TM6SF2: variants seen among roughly 807,000 people sequenced by gnomAD.
TM6SF2 encodes the protein transmembrane 6 superfamily member 2.
Under a neutral mutation model 41.0 loss-of-function variants are expected in TM6SF2, and 29 were observed. The observed-to-expected ratio is 0.71, with a 90% CI of 0.53 to 0.96. The LOEUF (loss-of-function observed/expected upper bound fraction) is 0.96. Ranked by LOEUF, TM6SF2 falls within the 50% of genes least tolerant of loss-of-function variation. The pLI is 0.00. For missense variants in TM6SF2, 475 were observed against 499.0 expected, an observed-to-expected ratio of 0.95 and a Z score of 0.46; for synonymous variants, 200 against 209.1, an observed-to-expected ratio of 0.96 and a Z score of 0.37.
In TM6SF2 at chr19:19,264,696, C is replaced by T. The variant is rs775760280; in HGVS notation, c.1102G>A (p.Asp368Asn). The T allele has an allele frequency of 1.1e-5, 17 of 1,573,416 alleles. No individual in the cohort carries two copies. The highest frequency in any genetic ancestry group is 7.1e-5 in the Admixed American group (4 of 56,242). The change falls in exon 10 of 10, where the codon GAC (aspartate) becomes AAC (asparagine). Residue 368 changes from aspartate (D) to asparagine (N), a missense_variant. Coordinates refer to ENST00000389363, the MANE Select transcript of TM6SF2 (RefSeq NM_001001524.3). Reference protein sequence around the residue: ...PAFFHQPPPSDPLALHKKQH With the variant: ...PAFFHQPPPSNPLALHKKQH ...TGCTTCTTGTGGAGGGCTAGGGGGTCGGAGGGTGGTGGCTGGTGGAAGAAT... is the reference window on the plus strand; with the variant it reads ...TGCTTCTTGTGGAGGGCTAGGGGGTTGGAGGGTGGTGGCTGGTGGAAGAAT...
At chr19:19,273,061 T>TGCGC in intron 1 of TM6SF2, 60 bp downstream of exon 1, 1 of 305,470 alleles carries the variant, frequency 3.3e-6, no homozygotes, top group Non-Finnish European at 6.1e-6. Flanking sequence ...CCTCCAGTCC[T>TGCGC]CCCCGCCCCC....
In TM6SF2 at chr19:19,271,236, A is replaced by G. The variant is rs2061023145; in HGVS notation, c.96-111T>C. ...CCTGGAAGCCCCAGGGGAAGAGACTAAAGTGTCTGTTCATCCATCAATGCT... is the reference window on the plus strand; with the variant it reads ...CCTGGAAGCCCCAGGGGAAGAGACTGAAGTGTCTGTTCATCCATCAATGCT... On this transcript the variant is annotated intron_variant, in intron 1 of 9. Coordinates refer to ENST00000389363, the MANE Select transcript of TM6SF2 (RefSeq NM_001001524.3). The G allele has an allele frequency of 7.3e-6, 6 of 823,656 alleles. No individual in the cohort carries two copies. The South Asian group carries it at 8.3e-5, about 11-fold the overall frequency. The allele number at this position is 823,656 out of a possible 1,614,324, so 51.0% of individuals were successfully genotyped here.
Position 19,265,110 on chromosome 19 carries a change from C to A in TM6SF2, c.925-237G>T, listed in dbSNP as rs568888515. On this transcript the variant is annotated intron_variant, in intron 9 of 9. Coordinates refer to ENST00000389363, the MANE Select transcript of TM6SF2 (RefSeq NM_001001524.3). ...ATGCTGGAGTGCAGTGGTGCAATCT[C>A]GGTTCACTGCAACCTCCGCTGCCTC... Among the ~76,000 whole-genome samples the A allele has an allele frequency of 2.3e-4, 33 of 146,138 alleles. No individual in the cohort carries two copies. In the East Asian group the frequency reaches 5.8e-3, roughly 26 times the overall value.
chr19:19,270,223 G>A lies in TM6SF2; in HGVS notation c.351C>T (p.Gly117=), dbSNP rs1297111026. Residue 117 remains glycine, a synonymous_variant, in exon 4 of 10, where the codon GGC becomes GGT. Transcript: ENST00000389363. ...CCAGGTAGAGGAGGTAGTGAACAGT[G>A]CCATCCCAGTAGCAGATGAAGACTC... ...AHGVFICYWD[G]TVHYLLYLAM... 6.2e-7 allele frequency: 1 copy of A among 1,614,056 alleles called. No homozygotes were observed. The highest frequency in any genetic ancestry group is 8.5e-7 in the Non-Finnish European group (1 of 1,180,056).
At chr19:19,265,016 C>G in intron 9 of TM6SF2, 143 bp from the exon 10 acceptor site, 1 of 473,026 alleles carries the variant, frequency 2.1e-6, no homozygotes, top group Non-Finnish European at 3.7e-6. Flanking sequence ...CTATCTGTTT[C>G]CCATCTCCAG....
chr19:19,272,692 GGT>G (rs55690765), intron 1 of TM6SF2, among the ~76,000 whole-genome samples: 5,297 of 136,712 alleles, frequency 0.039, 204 homozygotes, highest in African/African-American at 0.1. Flanking sequence ...AATGGAGTAG[GGT>G]GTGTGTGTGT....
intron 1 of TM6SF2, among the ~76,000 whole-genome samples, chr19:19,271,985 G>A (rs181300353): frequency 6.6e-5 from 10 of 152,240 alleles, no homozygotes; most frequent in Non-Finnish European, 1.0e-4. Context: ...ATTGTCTGAC[G>A]CTCCCAGCTC....
In TM6SF2 at chr19:19,266,557, G is replaced by A. The variant is rs374302893; in HGVS notation, c.857C>T (p.Ala286Val). The A allele has an allele frequency of 9.3e-6, 15 of 1,613,952 alleles. No homozygotes were observed. Among genetic ancestry groups the A allele is most frequent in the African/African-American group, 2.7e-5 (2 of 74,932 alleles). The change falls in exon 9 of 10, where the codon GCT becomes GTT. Residue 286 changes from alanine (A) to valine (V), a missense_variant. Ala to Val is a moderately conservative substitution (Grantham distance 64, BLOSUM62 0). Transcript: ENST00000389363. ...CCAGGAGCAACCAGGGAAGGTGAGA[G>A]CATAGGCAGCCAGGCCGCAGAAAGG... is the stretch of plus-strand genomic sequence containing the variant. ...VLPFCGLAAY[A>V]LTFPGCSWLP...
chr19:19,267,705 A>G lies in TM6SF2; in HGVS notation c.720T>C (p.Leu240=). 6.2e-7 allele frequency: 1 copy of G among 1,613,590 alleles called. No individual in the cohort carries two copies. Among genetic ancestry groups the G allele is most frequent in the Non-Finnish European group, 8.5e-7 (1 of 1,179,810 alleles). The change falls in exon 8 of 10, where the codon CTT becomes CTC. Residue 240 remains leucine (L), a synonymous_variant. Coordinates refer to ENST00000389363, the MANE Select transcript of TM6SF2 (RefSeq NM_001001524.3). ...CAAAGCAGGCATCTGTGGGGCAATC[A>G]AGCACCACCTGGAGCAGACAGACAT... ...FFTLFRGLVV[L]DCPTDACFVY... is the part of the protein sequence containing the mutation.
intron 2 of TM6SF2, 135 bp downstream of exon 2, chr19:19,270,887 T>C: frequency 1.4e-6 from 1 of 737,006 alleles, no homozygotes; most frequent in East Asian, 2.5e-5. Context: ...TCAAATCTCT[T>C]TGAGGTCTCC....
chr19:19,270,749 A>C (rs2061020722), intron 2 of TM6SF2, among the ~76,000 whole-genome samples: 1 of 152,188 alleles, frequency 6.6e-6, no homozygotes, highest in African/African-American at 2.4e-5. Context: ...AGGAGATCTC[A>C]AAGTGATGAG....
chr19:19,271,634 G>A (rs1027404148), intron 1 of TM6SF2, among the ~76,000 whole-genome samples: 6 of 151,912 alleles, frequency 3.9e-5, no homozygotes, highest in Admixed American at 6.6e-5. Flanking sequence ...GGGTTCAGGC[G>A]ATTATCCTGC....
chr19:19,270,147 G>A (rs771146280), intron 4 of TM6SF2, 26 bp downstream of exon 4: 44 of 1,613,112 alleles, frequency 2.7e-5, no homozygotes, highest in Non-Finnish European at 3.6e-5. Context: ...CAGGGTCAGG[G>A]GCCACCCTCT....
At chr19:19,268,522 G>A (rs1599837355) in intron 6 of TM6SF2, 108 bp downstream of exon 6, 1 of 1,438,046 alleles carries the variant, frequency 7.0e-7, no homozygotes, top group East Asian at 2.7e-5. Context: ...CTTCTTTCTT[G>A]TGACAAAGGA....
At chr19:19,270,062 C>G (rs766591574) in intron 4 of TM6SF2, 111 bp downstream of exon 4, 20 of 1,551,446 alleles carry the variant, frequency 1.3e-5, no homozygotes, top group Non-Finnish European at 1.7e-5. Context: ...CCTAGAGAGG[C>G]GTCCTGATTT....
At chr19:19,273,061 T>TTGCCCCCCCCCCCCCCCCCCC in intron 1 of TM6SF2, 60 bp downstream of exon 1, 1 of 305,468 alleles carries the variant, frequency 3.3e-6, no homozygotes, top group Non-Finnish European at 6.1e-6. Flanking sequence ...CCTCCAGTCC[T>TTGCCCCCCCCCCCCCCCCCCC]CCCCGCCCCC....
chr19:19,266,346 T>G, intron 9 of TM6SF2, 144 bp downstream of exon 9: 3 of 1,228,208 alleles, frequency 2.4e-6, no homozygotes, highest in Admixed American at 2.2e-5. Flanking sequence ...TCCCCTAGAC[T>G]AGGGAATCCT....
intron 1 of TM6SF2, 50 bp downstream of exon 1, chr19:19,273,071 C>A: frequency 1.9e-6 from 1 of 515,614 alleles, no homozygotes; most frequent in South Asian, 2.3e-5. Context: ...TCCCCGCCCC[C>A]GCCCGCCCCC....
chr19:19,266,392 CTCA>C, intron 9 of TM6SF2, 95 bp downstream of exon 9: 1 of 1,518,222 alleles, frequency 6.6e-7, no homozygotes. Context: ...CTCTTGGGGG[CTCA>C]TCATTACAGT....
Sources: gnomAD v4.1 joint callset for allele counts (sites outside exome capture counted in the v4.1 genomes callset) on GRCh38, gnomAD v4.1.1 for gene constraint, MANE v1.5 for transcripts, NCBI Gene and HGNC (gene_info 2026-07-23, HGNC 2026-07-21) for gene names.